ANO6: variants seen among roughly 807,000 people sequenced by gnomAD.
The protein encoded by ANO6 is anoctamin 6.
In ANO6, 106 loss-of-function variants were observed where a neutral mutation model predicts 117.5. The observed-to-expected ratio is 0.90, with a 90% CI of 0.77 to 1.06. The LOEUF (loss-of-function observed/expected upper bound fraction) is 1.06. ANO6 is among the 50% of genes least tolerant of loss of function. The probability of loss-of-function intolerance (pLI) is 0.00; values close to 1 mark genes in which losing one functional copy is unlikely to be tolerated. For missense variants in ANO6, 955 were observed against 1,121.1 expected, an observed-to-expected ratio of 0.85 and a Z score of 2.12; for synonymous variants, 367 against 385.1, an observed-to-expected ratio of 0.95 and a Z score of 0.55.
intron 1 of ANO6, among the ~76,000 whole-genome samples, chr12:45,297,109 C>T (rs996024014): frequency 1.7e-4 from 26 of 152,140 alleles, no homozygotes; most frequent in African/African-American, 6.0e-4. Context: ...AGAACTTGAA[C>T]CCAGTCAGTC....
intron 8 of ANO6, among the ~76,000 whole-genome samples, chr12:45,360,977 A>G (rs1941540785): frequency 6.6e-6 from 1 of 152,088 alleles, no homozygotes; most frequent in Admixed American, 6.5e-5. Context: ...TTTATTTATC[A>G]CTGTAACTTT....
At chr12:45,353,992 A>T (rs557608131) in intron 7 of ANO6, among the ~76,000 whole-genome samples, 3 of 152,320 alleles carry the variant, frequency 2.0e-5, no homozygotes, top group Non-Finnish European at 4.4e-5. Flanking sequence ...AAAAAATTAG[A>T]TCAGTCCAGG....
rs1943620465 is a variant in ANO6, at chr12:45,431,072, T to TCAAAG, written c.*1764_*1768dup. On this transcript the variant is annotated 3_prime_UTR_variant, in exon 20 of 20. Coordinates refer to ENST00000320560, the MANE Select transcript of ANO6 (RefSeq NM_001025356.3). ...TTTGTAAGTAATTATGTAGGATCCATCAAAGCAGTATTGTAGGCTTTTGAA... is the reference window on the plus strand; with the variant it reads ...TTTGTAAGTAATTATGTAGGATCCATCAAAGCAAAGCAGTATTGTAGGCTTTTGAA... 1 of 985,432 alleles carries TCAAAG rather than the reference T, an allele frequency of 1.0e-6. No homozygotes were observed. The highest frequency in any genetic ancestry group is 1.2e-6 in the Non-Finnish European group (1 of 829,932). 61.0% of individuals were successfully genotyped at this position (985,432 alleles called of 1,614,324 possible). A position where few individuals can be genotyped will look rare whatever the true frequency, so the allele number is the denominator to read the frequency against.
At chr12:45,322,891 A>G (rs1441704304) in intron 2 of ANO6, among the ~76,000 whole-genome samples, 4 of 152,188 alleles carry the variant, frequency 2.6e-5, no homozygotes, top group Non-Finnish European at 5.9e-5. Flanking sequence ...CTCCCAAAAA[A>G]TCAGAATGCT....
intron 3 of ANO6, among the ~76,000 whole-genome samples, chr12:45,337,136 A>G (rs530056931): frequency 9.9e-5 from 15 of 152,150 alleles, no homozygotes; most frequent in Non-Finnish European, 2.1e-4. Context: ...GAGCAGTGTT[A>G]TAAAGTCTGC....
At position 45,300,618 on chromosome 12, in the gene ANO6, C is replaced by A. The variant is rs118065096; in HGVS notation, c.71-1396C>A. 3.8e-3 allele frequency among the ~76,000 whole-genome samples: 574 copies of A among 152,228 alleles called. 3 individuals are homozygous for A. The highest frequency in any genetic ancestry group is 7.2e-3 in the Non-Finnish European group (490 of 67,996). On this transcript the variant is annotated intron_variant, in intron 1 of 19. Coordinates refer to ENST00000320560, the MANE Select transcript of ANO6 (RefSeq NM_001025356.3). Reference sequence around the variant, plus strand: ...GCTAGTGGTTATGTCCTTTAGGGCTCTTTAAATCTGATCTCCCTTTTTAAT... The same window carrying A: ...GCTAGTGGTTATGTCCTTTAGGGCTATTTAAATCTGATCTCCCTTTTTAAT...
At chr12:45,318,761 G>T (rs1465717942) in intron 2 of ANO6, among the ~76,000 whole-genome samples, 1 of 152,130 alleles carries the variant, frequency 6.6e-6, no homozygotes, top group Non-Finnish European at 1.5e-5. Context: ...CATGAGCATG[G>T]AATGTTCTTC....
At chr12:45,432,358 T>C, downstream of ANO6, 1 of 798,932 alleles carries the variant, frequency 1.3e-6, no homozygotes, top group African/African-American at 1.9e-5. Flanking sequence ...AATAGTATGG[T>C]CTATTCTATA....
intron 2 of ANO6, among the ~76,000 whole-genome samples, chr12:45,325,386 CATAGTGG>C (rs1388518211): frequency 6.6e-6 from 1 of 152,126 alleles, no homozygotes; most frequent in Non-Finnish European, 1.5e-5. Flanking sequence ...ATATTAAGTC[CATAGTGG>C]ATATTAAAGC....
At chr12:45,323,957 G>A (rs1327375591) in intron 2 of ANO6, among the ~76,000 whole-genome samples, 2 of 95,168 alleles carry the variant, frequency 2.1e-5, no homozygotes, top group African/African-American at 3.7e-5. Flanking sequence ...TTTTTTTTGA[G>A]ACAGAATTTT....
chr12:45,403,486 A>T lies in ANO6; in HGVS notation c.1830A>T (p.Ile610=). 1 of 1,613,950 alleles carries T rather than the reference A, an allele frequency of 6.2e-7. No homozygotes were observed. Among genetic ancestry groups the T allele is most frequent in the Non-Finnish European group, 8.5e-7 (1 of 1,179,844 alleles). Residue 610 remains isoleucine (I), a synonymous_variant, in exon 15 of 20, where the codon ATA becomes ATT. Coordinates refer to ENST00000320560, the MANE Select transcript of ANO6 (RefSeq NM_001025356.3). Reference sequence around the variant, plus strand: ...TTGAACTGACAACTCAGCTGACAATAATCATGGGAGGAAAAGCAATCTGGA... The same window carrying T: ...TTGAACTGACAACTCAGCTGACAATTATCATGGGAGGAAAAGCAATCTGGA... ...CLLELTTQLT[I]IMGGKAIWNN...
chr12:45,306,464 A>C (rs1939673195), intron 2 of ANO6, among the ~76,000 whole-genome samples: 1 of 152,192 alleles, frequency 6.6e-6, no homozygotes, highest in Admixed American at 6.5e-5. Flanking sequence ...AAAGGAGAAC[A>C]AATATATGTC....
chr12:45,402,635 T>C (rs1227685561), intron 13 of ANO6, among the ~76,000 whole-genome samples: 3 of 152,238 alleles, frequency 2.0e-5, no homozygotes, highest in African/African-American at 7.2e-5. Context: ...TATTTTGTTT[T>C]TCCCAAATGC....
intron 1 of ANO6, among the ~76,000 whole-genome samples, chr12:45,263,443 C>T (rs554118529): frequency 6.7e-6 from 1 of 149,876 alleles, no homozygotes; most frequent in African/African-American, 2.5e-5. Flanking sequence ...AACTCCTGGC[C>T]TCAAGCATTC....
chr12:45,350,872 A>C, intron 7 of ANO6, 98 bp downstream of exon 7: 1 of 1,054,658 alleles, frequency 9.5e-7, no homozygotes, highest in Non-Finnish European at 1.4e-6. Context: ...TTGCCAGTGA[A>C]GGGAGCTGAC....
chr12:45,389,263 G>T (rs528799945), intron 11 of ANO6, among the ~76,000 whole-genome samples: 1 of 152,126 alleles, frequency 6.6e-6, no homozygotes, highest in Non-Finnish European at 1.5e-5. Flanking sequence ...TTTGTCTTTC[G>T]CAATGTAAAA....
intron 1 of ANO6, among the ~76,000 whole-genome samples, chr12:45,270,788 G>A (rs1046748855): frequency 1.5e-4 from 23 of 151,976 alleles, no homozygotes; most frequent in African/African-American, 4.1e-4. Context: ...GTCTCACTCC[G>A]TCACCCATGC....
At chr12:45,359,572 T>C (rs908629105) in intron 8 of ANO6, among the ~76,000 whole-genome samples, 1 of 152,252 alleles carries the variant, frequency 6.6e-6, no homozygotes, top group African/African-American at 2.4e-5. Context: ...CTGTCTTCTT[T>C]CATTTCACCT....
chr12:45,228,251 C>G (rs1259133062), intron 1 of ANO6: 1 of 423,760 alleles, frequency 2.4e-6, no homozygotes, highest in East Asian at 7.7e-5. Flanking sequence ...TTACCTCAAC[C>G]TCCTGCGTAT....
Sources: allele counts gnomAD v4.1 joint callset (sites outside exome capture counted in the v4.1 genomes callset), GRCh38; gene constraint gnomAD v4.1.1; transcripts MANE v1.5; gene names NCBI Gene and HGNC (gene_info 2026-07-23, HGNC 2026-07-21).